The following CTNNA3 variants were observed in gnomAD, a reference collection of about 807,000 sequenced individuals.
The protein encoded by CTNNA3 is catenin alpha-3.
Under a neutral mutation model 95.7 loss-of-function variants are expected in CTNNA3, and 76 were observed. That is an observed-to-expected ratio of 0.79 (90% confidence interval 0.66 to 0.96). CTNNA3 has a LOEUF of 0.96. Among genes scored for constraint, CTNNA3 ranks in the 40% least tolerant of loss-of-function variants. CTNNA3 has a pLI of 0.00. For missense variants in CTNNA3, 1,191 were observed against 1,089.8 expected (o/e 1.09, Z -1.31); for synonymous variants, 431 against 374.4 (o/e 1.15, Z -1.74).
chr10:66,157,852 A>G lies in CTNNA3; in HGVS notation c.1885-54603T>C, dbSNP rs147396055. Reference sequence around the variant, plus strand: ...ATCTACTGTTTTTTTTATTATGGCCATTCTTGCAGGAGTAAGGTGGTATCG... The same window carrying G: ...ATCTACTGTTTTTTTTATTATGGCCGTTCTTGCAGGAGTAAGGTGGTATCG... On this transcript the variant is annotated intron_variant, in intron 13 of 17. Coordinates refer to ENST00000433211, the MANE Select transcript of CTNNA3 (RefSeq NM_013266.4). 6.6e-3 allele frequency among the ~76,000 whole-genome samples: 1,000 copies of G among 152,036 alleles called. 20 individuals carry two copies. Among genetic ancestry groups the G allele is most frequent in the African/African-American group, 0.022 (933 of 41,508 alleles).
In CTNNA3 at chr10:67,695,415, T is replaced by A. The variant is rs367683292; in HGVS notation, c.-6+585A>T. Reference sequence around the variant, plus strand: ...TTTCTTTACATGATTGATCATTACATCTCATGATCATTCCATACAGTGATT... The same window carrying A: ...TTTCTTTACATGATTGATCATTACAACTCATGATCATTCCATACAGTGATT... On this transcript the variant is annotated intron_variant, in intron 1 of 17. Transcript: ENST00000433211. 3.9e-5 allele frequency among the ~76,000 whole-genome samples: 6 copies of A among 152,168 alleles called. No individual in the cohort carries two copies. In the East Asian group the frequency reaches 1.2e-3, roughly 29 times the overall value.
At chr10:66,656,048 C>T (rs1161492799) in intron 9 of CTNNA3, among the ~76,000 whole-genome samples, 1 of 151,966 alleles carries the variant, frequency 6.6e-6, no homozygotes, top group Non-Finnish European at 1.5e-5. Flanking sequence ...AATTTTAGTA[C>T]ACGGCCAGTA....
At chr10:66,287,304 A>G (rs2091604752) in intron 12 of CTNNA3, among the ~76,000 whole-genome samples, 2 of 152,112 alleles carry the variant, frequency 1.3e-5, no homozygotes, top group South Asian at 4.1e-4. Flanking sequence ...CCTCTGCCCT[A>G]CCTTTTTGTA....
intron 3 of CTNNA3, among the ~76,000 whole-genome samples, chr10:67,578,880 T>C (rs1842263465): frequency 6.6e-6 from 1 of 151,510 alleles, no homozygotes; most frequent in South Asian, 2.1e-4. Flanking sequence ...TCTGCATCTA[T>C]GGAGATGAAC....
intron 7 of CTNNA3, among the ~76,000 whole-genome samples, chr10:66,963,897 C>T (rs1041364745): frequency 1.3e-5 from 2 of 151,018 alleles, no homozygotes; most frequent in Non-Finnish European, 2.9e-5. Flanking sequence ...GGCTGGAGTG[C>T]AGTGGCGCAA....
At chr10:66,735,831 T>C (rs1291702406) in intron 9 of CTNNA3, among the ~76,000 whole-genome samples, 2 of 152,188 alleles carry the variant, frequency 1.3e-5, no homozygotes, top group Non-Finnish European at 2.9e-5. Context: ...ATTCCTTGGC[T>C]CCACTGACCT....
rs967071487 is a variant in CTNNA3, at chr10:66,805,372, T to TA, written c.1048-29849dup. 5.4e-3 allele frequency among the ~76,000 whole-genome samples: 795 copies of TA among 147,106 alleles called. 5 individuals are homozygous for TA. The highest frequency in any genetic ancestry group is 0.018 in the African/African-American group (744 of 40,244). Reference sequence around the variant, plus strand: ...ACAGCTAATGTTCAGTTTTATTCTTTAAAAAAAAAAGAAAAAGAATATTCA... The same window carrying TA: ...ACAGCTAATGTTCAGTTTTATTCTTTAAAAAAAAAAAGAAAAAGAATATTCA... On this transcript the variant is annotated intron_variant, in intron 7 of 17. Coordinates refer to ENST00000433211, the MANE Select transcript of CTNNA3 (RefSeq NM_013266.4).
At chr10:66,789,697 T>C (rs2132874144) in intron 7 of CTNNA3, among the ~76,000 whole-genome samples, 1 of 152,284 alleles carries the variant, frequency 6.6e-6, no homozygotes, top group Admixed American at 6.5e-5. Context: ...TAGAATATTT[T>C]CCATGTGAGT....
chr10:66,658,041 G>A (rs1447937841), intron 9 of CTNNA3, among the ~76,000 whole-genome samples: 1 of 152,172 alleles, frequency 6.6e-6, no homozygotes, highest in African/African-American at 2.4e-5. Context: ...TCATGGAGAT[G>A]TGTGTCCCTT....
chr10:66,047,025 A>T (rs1022149204), intron 15 of CTNNA3, among the ~76,000 whole-genome samples: 2 of 152,122 alleles, frequency 1.3e-5, no homozygotes, highest in African/African-American at 4.8e-5. Context: ...ACCTGATGGA[A>T]ACACAGCCGA....
At chr10:67,132,564 T>C (rs960729951) in intron 7 of CTNNA3, among the ~76,000 whole-genome samples, 2 of 151,900 alleles carry the variant, frequency 1.3e-5, no homozygotes, top group African/African-American at 4.8e-5. Flanking sequence ...TCAAAGTAAA[T>C]GAGAGGGATA....
intron 7 of CTNNA3, chr10:67,013,109 T>C (rs1381150898): frequency 6.6e-6 from 1 of 152,152 alleles, no homozygotes; most frequent in Non-Finnish European, 1.5e-5. Context: ...TCATCTTTCA[T>C]TTTCTACATG....
intron 16 of CTNNA3, among the ~76,000 whole-genome samples, chr10:65,975,401 G>A (rs2061942013): frequency 6.6e-6 from 1 of 152,030 alleles, no homozygotes; most frequent in Non-Finnish European, 1.5e-5. Context: ...GAAAAAGAAA[G>A]AGGGAAAGGA....
In CTNNA3 at chr10:67,426,573, G is replaced by A. The variant is rs538660312; in HGVS notation, c.579+95269C>T. 3.3e-5 allele frequency among the ~76,000 whole-genome samples: 5 copies of A among 152,050 alleles called. No homozygotes were observed. The South Asian group carries it at 6.2e-4, about 19-fold the overall frequency. On this transcript the variant is annotated intron_variant, in intron 5 of 17. Coordinates refer to ENST00000433211, the MANE Select transcript of CTNNA3 (RefSeq NM_013266.4). ...TCACAAGGACAGAAAACCAAACACC[G>A]CATGTTCTCACTCACAGATGGGAAT...
intron 7 of CTNNA3, among the ~76,000 whole-genome samples, chr10:66,802,489 C>A (rs955521970): frequency 2.0e-5 from 3 of 151,732 alleles, no homozygotes; most frequent in African/African-American, 7.3e-5. Flanking sequence ...ACTGACCGTA[C>A]CAAATGTTGG....
At chr10:66,535,341 C>T (rs931595993) in intron 10 of CTNNA3, among the ~76,000 whole-genome samples, 2 of 152,014 alleles carry the variant, frequency 1.3e-5, no homozygotes, top group Non-Finnish European at 2.9e-5. Context: ...TGTAACATGC[C>T]GTGTAAGAGA....
chr10:66,912,447 T>A (rs963940505), intron 7 of CTNNA3, among the ~76,000 whole-genome samples: 12 of 152,182 alleles, frequency 7.9e-5, no homozygotes, highest in Non-Finnish European at 1.2e-4. Flanking sequence ...TTCTATTTCA[T>A]TAAAAATTAA....
intron 5 of CTNNA3, among the ~76,000 whole-genome samples, chr10:67,299,577 C>A (rs1840186460): frequency 6.6e-6 from 1 of 152,146 alleles, no homozygotes; most frequent in African/African-American, 2.4e-5. Context: ...GTGAAGATTT[C>A]TCTTTCCCAC....
At chr10:67,230,798 C>T (rs903498724) in intron 5 of CTNNA3, among the ~76,000 whole-genome samples, 3 of 152,146 alleles carry the variant, frequency 2.0e-5, no homozygotes, top group African/African-American at 7.2e-5. Flanking sequence ...AGACACTGGG[C>T]GCAGGTCAGT....
Sources: gnomAD v4.1 joint callset for allele counts (sites outside exome capture counted in the v4.1 genomes callset) on GRCh38, gnomAD v4.1.1 for gene constraint, MANE v1.5 for transcripts, NCBI Gene and HGNC (gene_info 2026-07-23, HGNC 2026-07-21) for gene names.